Variants in ERN1 observed in about 807,000 individuals in gnomAD.
The protein encoded by ERN1 is endoplasmic reticulum to nucleus signaling 1, also known as serine/threonine-protein kinase/endoribonuclease IRE1.
ERN1 carries 39 observed loss-of-function variants against 113.1 expected under a neutral mutation model. The ratio of observed to expected loss-of-function variants is 0.34; its 90% CI spans 0.27 to 0.45. The LOEUF is 0.45. Ranked by LOEUF, ERN1 falls within the 20% of genes least tolerant of loss-of-function variation. The pLI, the probability that ERN1 is intolerant of heterozygous loss-of-function variation, is 1.00. For synonymous variants in ERN1, 507 were observed against 515.9 expected, an observed-to-expected ratio of 0.98 and a Z score of 0.23; for missense variants, 976 against 1,274.8, an observed-to-expected ratio of 0.77 and a Z score of 3.57.
At position 64,054,420 on chromosome 17, in the gene ERN1, C is replaced by T. The variant is rs201570900; in HGVS notation, c.1783G>A (p.Asp595Asn). The change falls in exon 15 of 22, where the codon GAC (aspartate) becomes AAC (asparagine). Residue 595 changes from aspartate to asparagine, a missense_variant. Physicochemically the swap from Asp to Asn is conservative, Grantham distance 23 (BLOSUM62 1). Around this residue, in one of 5 missense-constraint regions of ERN1, gnomAD observed 297 missense variants for 457.8 expected, o/e 0.65. Transcript: ENST00000433197. The surrounding 1 kb of genome is among the most constrained non-coding windows in gnomAD (Gnocchi z 4.9). ...IVYRGMFDNR[D>N]VAVKRILPEC... is the part of the protein sequence containing the mutation. ...GGGAGGATCCTCTTCACGGCCACGT[C>T]GCGGTTGTCAAACATGCCCCTGCGG... 1.2e-5 allele frequency: 19 copies of T among 1,569,360 alleles called. No individual in the cohort carries two copies. Among genetic ancestry groups the T allele is most frequent in the African/African-American group, 1.4e-5 (1 of 73,750 alleles).
chr17:64,053,046 A>G (rs2143333227), intron 16 of ERN1, 67 bp from the exon 17 acceptor site: 3 of 1,294,796 alleles, frequency 2.3e-6, no homozygotes, highest in Non-Finnish European at 3.2e-6. Flanking sequence ...CCAATGGGGA[A>G]TGTGTCCTCG....
chr17:64,102,251 A>T (rs1914405526), intron 1 of ERN1, among the ~76,000 whole-genome samples: 1 of 152,174 alleles, frequency 6.6e-6, no homozygotes, highest in Non-Finnish European at 1.5e-5. Context: ...ATACCATTGC[A>T]CTCCAGCCTA....
Position 64,055,659 on chromosome 17 carries a change from T to C in ERN1, c.1672+16A>G, listed in dbSNP as rs769781154. The C allele has an allele frequency of 1.9e-6, 3 of 1,550,830 alleles. No individual in the cohort carries two copies. Among genetic ancestry groups the C allele is most frequent in the Non-Finnish European group, 1.7e-6 (2 of 1,149,532 alleles). On this transcript the variant is annotated intron_variant, in intron 13 of 21. Coordinates refer to ENST00000433197, the MANE Select transcript of ERN1 (RefSeq NM_001433.5). ...AATAAAACATAAAATAGCACCAAGA[T>C]GGCAACTGGCTTTACCTCCATCGTC...
At chr17:64,111,139 T>C (rs1914660942) in intron 1 of ERN1, among the ~76,000 whole-genome samples, 2 of 152,194 alleles carry the variant, frequency 1.3e-5, no homozygotes, top group African/African-American at 4.8e-5. Context: ...TTATAAAATA[T>C]TTTTTAAAAG....
chr17:64,059,395 T>C (rs1341923705), intron 11 of ERN1, among the ~76,000 whole-genome samples: 1 of 152,222 alleles, frequency 6.6e-6, no homozygotes, highest in Non-Finnish European at 1.5e-5. Context: ...GGTGCATCTC[T>C]GTCCCTGGGC....
At chr17:64,126,171 C>T (rs1007013278) in intron 1 of ERN1, among the ~76,000 whole-genome samples, 8 of 152,260 alleles carry the variant, frequency 5.3e-5, no homozygotes, top group Admixed American at 1.3e-4. Flanking sequence ...GCCAGCATCA[C>T]GCTCTAATCA....
chr17:64,129,355 G>A (rs1271823776), intron 1 of ERN1: 1 of 154,398 alleles, frequency 6.5e-6, no homozygotes, highest in African/African-American at 2.4e-5. Flanking sequence ...ACTTGCTCAA[G>A]GAAGTCTCGG....
intron 1 of ERN1, among the ~76,000 whole-genome samples, chr17:64,099,903 G>C (rs1914337603): frequency 2.6e-5 from 4 of 152,204 alleles, no homozygotes; most frequent in African/African-American, 7.2e-5. Context: ...CCCTGGAATG[G>C]GAGAAAGGAC....
At chr17:64,088,745 C>T (rs1023401521) in intron 2 of ERN1, among the ~76,000 whole-genome samples, 1 of 152,186 alleles carries the variant, frequency 6.6e-6, no homozygotes, top group Admixed American at 6.5e-5. Context: ...ATGGGGCATG[C>T]ACCACAGGCT....
chr17:64,075,306 AT>A, intron 4 of ERN1, 59 bp from the exon 5 acceptor site: 1 of 1,388,946 alleles, frequency 7.2e-7, no homozygotes, highest in Non-Finnish European at 9.6e-7. Context: ...AATTATTACA[AT>A]TTTACCAGGC....
At chr17:64,072,446 C>T (rs923911604) in intron 5 of ERN1, among the ~76,000 whole-genome samples, 8 of 152,220 alleles carry the variant, frequency 5.3e-5, no homozygotes, top group Admixed American at 1.3e-4. Flanking sequence ...ATCCTTTTCC[C>T]GTGGACTGGG....
At chr17:64,075,806 G>C (rs1382857303) in intron 4 of ERN1, among the ~76,000 whole-genome samples, 1 of 152,194 alleles carries the variant, frequency 6.6e-6, no homozygotes, top group Non-Finnish European at 1.5e-5. Context: ...TCCTGGCTTG[G>C]AATACAGAGC....
intron 1 of ERN1, among the ~76,000 whole-genome samples, chr17:64,123,853 C>G (rs1050665491): frequency 3.9e-5 from 6 of 152,178 alleles, no homozygotes; most frequent in Non-Finnish European, 7.4e-5. Flanking sequence ...TACATCCATT[C>G]CATTCAGAGA....
rs1912368780 is a variant in ERN1, at chr17:64,042,408, C to A, written c.*1580G>T. The A allele has an allele frequency of 6.6e-6, 1 of 152,164 alleles. No individual in the cohort carries two copies. The highest frequency in any genetic ancestry group is 2.1e-4 in the South Asian group (1 of 4,824). The allele number at this position is 152,164 out of a possible 1,614,324, so 9.4% of individuals were successfully genotyped here. ...CAGAATGAGAGCTTTTGATGAGTAA[C>A]CATGATACAAATACACAAACAGAAA... On this transcript the variant is annotated 3_prime_UTR_variant, in exon 22 of 22. Coordinates refer to ENST00000433197, the MANE Select transcript of ERN1 (RefSeq NM_001433.5).
intron 2 of ERN1, among the ~76,000 whole-genome samples, chr17:64,088,005 T>C (rs78975532): frequency 0.039 from 5,929 of 152,272 alleles, 160 homozygotes; most frequent in Non-Finnish European, 0.059. Flanking sequence ...ATTTAAATAA[T>C]TGTTTCAAAC....
chr17:64,093,757 T>C (rs1156232844), intron 2 of ERN1, among the ~76,000 whole-genome samples: 1 of 152,170 alleles, frequency 6.6e-6, no homozygotes, highest in Non-Finnish European at 1.5e-5. Context: ...TGAATGGCAG[T>C]GGAAGGATGA....
intron 1 of ERN1, among the ~76,000 whole-genome samples, chr17:64,115,160 T>C (rs1038184573): frequency 1.3e-5 from 2 of 152,176 alleles, no homozygotes; most frequent in Non-Finnish European, 2.9e-5. Flanking sequence ...GATACTAAAC[T>C]TACAGGACAA....
chr17:64,102,043 G>A (rs1473193052), intron 1 of ERN1, among the ~76,000 whole-genome samples: 1 of 152,146 alleles, frequency 6.6e-6, no homozygotes, highest in Non-Finnish European at 1.5e-5. Context: ...ACTTTGGGAG[G>A]CCGAGGTGGG....
intron 2 of ERN1, among the ~76,000 whole-genome samples, chr17:64,085,023 T>G (rs527242276): frequency 1.3e-5 from 2 of 152,320 alleles, no homozygotes; most frequent in East Asian, 3.9e-4. Flanking sequence ...TTCTGTATAT[T>G]TTATTGCTTA....
Sources: gnomAD v4.1 joint callset for allele counts (sites outside exome capture counted in the v4.1 genomes callset) on GRCh38, gnomAD v4.1.1 for gene constraint, gnomAD v4.1.1 regional missense constraint, Gnocchi (gnomAD v3.1) non-coding constraint, MANE v1.5 for transcripts, NCBI Gene and HGNC (gene_info 2026-07-23, HGNC 2026-07-21) for gene names.